The following ALLC variants were observed in gnomAD, a reference collection of about 807,000 sequenced individuals.
ALLC encodes probable inactive allantoicase.
A neutral mutation model predicts 45.0 loss-of-function variants in ALLC; 40 were observed. The ratio of observed to expected loss-of-function variants is 0.89; its 90% CI spans 0.69 to 1.16. ALLC has a LOEUF of 1.16. Ranked by LOEUF, ALLC falls within the 50% of genes most tolerant of loss-of-function variation. ALLC has a pLI of 0.00. For missense variants in ALLC, 488 were observed against 493.1 expected (o/e 0.99, Z 0.10); for synonymous variants, 176 against 178.1 (o/e 0.99, Z 0.09).
intron 6 of ALLC, 86 bp from the exon 7 acceptor site, chr2:3,682,856 C>T (rs1667230111): frequency 1.1e-5 from 16 of 1,415,814 alleles, no homozygotes; most frequent in Middle Eastern, 1.8e-4. Flanking sequence ...AAAGTATCTC[C>T]ACACCTTAAG....
At chr2:3,674,039 G>A (rs1000206276) in intron 2 of ALLC, 36 bp from the exon 3 acceptor site, 2 of 1,422,336 alleles carry the variant, frequency 1.4e-6, no homozygotes, top group South Asian at 2.5e-5. Flanking sequence ...CAGATTTATG[G>A]TTGCTTTATC....
At chr2:3,701,763 A>T in intron 11 of ALLC, 127 bp downstream of exon 11, 1 of 1,156,598 alleles carries the variant, frequency 8.6e-7, no homozygotes, top group Non-Finnish European at 1.2e-6. Flanking sequence ...TGAGGTTTAA[A>T]ACCCCTATCT....
chr2:3,669,384 G>T (rs1399332375), intron 1 of ALLC, among the ~76,000 whole-genome samples: 1 of 152,198 alleles, frequency 6.6e-6, no homozygotes, highest in Non-Finnish European at 1.5e-5. Context: ...TGAGGCAGGA[G>T]AATTGCTTGA....
intron 1 of ALLC, among the ~76,000 whole-genome samples, chr2:3,660,492 TATAA>T (rs1413093844): frequency 2.0e-5 from 3 of 152,288 alleles, no homozygotes; most frequent in Non-Finnish European, 2.9e-5. Context: ...TTACTGTTAT[TATAA>T]ATAAAGTTTC....
chr2:3,681,284 G>C (rs1007014785), intron 5 of ALLC, among the ~76,000 whole-genome samples: 13 of 152,134 alleles, frequency 8.5e-5, no homozygotes, highest in African/African-American at 3.1e-4. Context: ...CAATTCTAAG[G>C]ATGCCACTGG....
chr2:3,669,814 G>A (rs543845651), intron 1 of ALLC, among the ~76,000 whole-genome samples: 3 of 152,316 alleles, frequency 2.0e-5, no homozygotes, highest in East Asian at 1.9e-4. Context: ...GGGAGGCTGC[G>A]ATGGGGCAGG....
chr2:3,697,579 A>G (rs1042844477), intron 10 of ALLC, 123 bp downstream of exon 10: 8 of 685,074 alleles, frequency 1.2e-5, no homozygotes, highest in African/African-American at 3.6e-5. Flanking sequence ...AAGCTGTGTA[A>G]TTTTGAGCAT....
intron 1 of ALLC, among the ~76,000 whole-genome samples, 192 bp from the exon 2 acceptor site, chr2:3,670,904 G>A (rs548150254): frequency 2.4e-5 from 3 of 126,598 alleles, no homozygotes; most frequent in Non-Finnish European, 5.2e-5. Context: ...CCGTTTCAGC[G>A]TGTTTAAGCA....
chr2:3,666,066 CTG>C (rs1666698341), intron 1 of ALLC, among the ~76,000 whole-genome samples: 1 of 152,232 alleles, frequency 6.6e-6, no homozygotes, highest in Admixed American at 6.5e-5. Flanking sequence ...AGATGAAAGA[CTG>C]TATGCACAAA....
intron 1 of ALLC, among the ~76,000 whole-genome samples, chr2:3,664,224 T>G (rs1411543075): frequency 6.6e-6 from 1 of 152,214 alleles, no homozygotes; most frequent in East Asian, 1.9e-4. Flanking sequence ...CCCTGCTGCT[T>G]CTATGAAATG....
At chr2:3,651,486 G>A in the ALLC span, among the ~76,000 whole-genome samples, 2 of 148,004 alleles carry the variant, frequency 1.4e-5, no homozygotes, top group East Asian at 4.3e-4. Flanking sequence ...ACAAAGAGCA[G>A]GCGGGAGCAG....
chr2:3,657,094 G>A (rs1406925006), upstream of ALLC, among the ~76,000 whole-genome samples: 1 of 152,202 alleles, frequency 6.6e-6, no homozygotes, highest in East Asian at 1.9e-4. Flanking sequence ...ATAGGATGTG[G>A]TTTCGTTCTT....
chr2:3,671,427 G>T (rs552594115), intron 2 of ALLC, among the ~76,000 whole-genome samples: 1 of 152,290 alleles, frequency 6.6e-6, no homozygotes, highest in Non-Finnish European at 1.5e-5. Context: ...ACAGACTGTG[G>T]TCCTCTGCTC....
intron 1 of ALLC, 89 bp downstream of exon 1, chr2:3,658,383 T>C (rs935028657): frequency 6.6e-6 from 1 of 152,222 alleles, no homozygotes; most frequent in Non-Finnish European, 1.5e-5. Flanking sequence ...ATTTCAGTCA[T>C]GCAACGAACC....
At chr2:3,664,433 C>T (rs1019721778) in intron 1 of ALLC, among the ~76,000 whole-genome samples, 4 of 152,176 alleles carry the variant, frequency 2.6e-5, no homozygotes, top group Admixed American at 6.5e-5. Context: ...GGAAATATTT[C>T]TTGGAAGCTG....
chr2:3,672,440 G>T (rs1220747536), intron 2 of ALLC, among the ~76,000 whole-genome samples: 1 of 139,116 alleles, frequency 7.2e-6, no homozygotes, highest in Non-Finnish European at 1.6e-5. Context: ...TAGATGGGAG[G>T]TCCTCTGGCT....
intron 1 of ALLC, among the ~76,000 whole-genome samples, chr2:3,666,015 G>A (rs546612773): frequency 7.9e-5 from 12 of 152,266 alleles, no homozygotes; most frequent in African/African-American, 2.6e-4. Flanking sequence ...CATGTAAGAT[G>A]GAATGCTCTG....
intron 5 of ALLC, among the ~76,000 whole-genome samples, chr2:3,681,206 G>A (rs570043637): frequency 6.6e-6 from 1 of 152,242 alleles, no homozygotes; most frequent in South Asian, 2.1e-4. Context: ...AGTGACAAAC[G>A]AGTAAGATTG....
At chr2:3,682,286 G>C (rs1441740405) in intron 6 of ALLC, among the ~76,000 whole-genome samples, 1 of 152,190 alleles carries the variant, frequency 6.6e-6, no homozygotes, top group Non-Finnish European at 1.5e-5. Context: ...AGAGGTCATG[G>C]AGCATGGCAG....
Sources: gnomAD v4.1 joint callset for allele counts (sites outside exome capture counted in the v4.1 genomes callset) on GRCh38, gnomAD v4.1.1 for gene constraint, MANE v1.5 for transcripts, NCBI Gene and HGNC (gene_info 2026-07-23, HGNC 2026-07-21) for gene names.